The following CCBE1 variants were observed in gnomAD, a reference collection of about 807,000 sequenced individuals.
CCBE1 encodes collagen and calcium-binding EGF domain-containing protein 1.
Under a neutral mutation model 50.0 loss-of-function variants are expected in CCBE1, and 37 were observed. That is an observed-to-expected ratio of 0.74 (90% CI 0.57 to 0.97). The LOEUF (loss-of-function observed/expected upper bound fraction) is 0.97. Ranked by LOEUF, CCBE1 falls within the 50% of genes least tolerant of loss-of-function variation. The pLI is 0.00. For missense variants in CCBE1, 538 were observed against 523.8 expected, an observed-to-expected ratio of 1.03 and a Z score of -0.26; for synonymous variants, 234 against 203.7, an observed-to-expected ratio of 1.15 and a Z score of -1.27.
intron 2 of CCBE1, among the ~76,000 whole-genome samples, chr18:59,490,867 T>A (rs886862542): frequency 6.6e-6 from 1 of 152,236 alleles, no homozygotes; most frequent in Non-Finnish European, 1.5e-5. Context: ...ATTTTCTCCT[T>A]TGTAAGACAT....
At chr18:59,473,302 C>A (rs1018258190) in intron 3 of CCBE1, among the ~76,000 whole-genome samples, 7 of 152,140 alleles carry the variant, frequency 4.6e-5, no homozygotes, top group African/African-American at 1.7e-4. Context: ...GTTCCATTGT[C>A]TTCCAGCTTT....
chr18:59,511,294 G>A (rs1033476838), intron 2 of CCBE1, among the ~76,000 whole-genome samples: 9 of 152,202 alleles, frequency 5.9e-5, no homozygotes, highest in African/African-American at 2.2e-4. Context: ...CACTGATGAT[G>A]GCACTAATTG....
intron 2 of CCBE1, among the ~76,000 whole-genome samples, chr18:59,516,787 C>T (rs1042431550): frequency 1.3e-5 from 2 of 152,140 alleles, no homozygotes; most frequent in African/African-American, 4.8e-5. Flanking sequence ...TGCACAGCGG[C>T]CAGAACATCA....
intron 3 of CCBE1, among the ~76,000 whole-genome samples, chr18:59,475,635 C>G (rs1912270071): frequency 6.6e-6 from 1 of 152,194 alleles, no homozygotes. Context: ...TTGACCTCCT[C>G]AACAGAGTTT....
chr18:59,581,722 G>T (rs946660876), intron 2 of CCBE1, among the ~76,000 whole-genome samples: 3 of 152,170 alleles, frequency 2.0e-5, no homozygotes, highest in African/African-American at 7.2e-5. Context: ...CTTCTTCCCT[G>T]GGGAATTGGA....
upstream of CCBE1, chr18:59,697,586 C>T (rs989301759): frequency 1.1e-5 from 6 of 536,182 alleles, no homozygotes; most frequent in Non-Finnish European, 2.0e-5. Flanking sequence ...CCTGCGGTGT[C>T]CGGCTGGCGC....
chr18:59,521,482 C>T (rs74714671), intron 2 of CCBE1, among the ~76,000 whole-genome samples: 2,461 of 152,120 alleles, frequency 0.016, 54 homozygotes, highest in African/African-American at 0.055. Context: ...CAGAGAATTC[C>T]AGAAGGACTC....
chr18:59,443,613 C>G (rs1296324244), intron 7 of CCBE1, among the ~76,000 whole-genome samples: 6 of 147,072 alleles, frequency 4.1e-5, no homozygotes, highest in Non-Finnish European at 7.5e-5. Flanking sequence ...ATTACAGGTG[C>G]CCACCACCAC....
At chr18:59,557,566 C>T (rs2052671750) in intron 2 of CCBE1, among the ~76,000 whole-genome samples, 1 of 152,076 alleles carries the variant, frequency 6.6e-6, no homozygotes, top group African/African-American at 2.4e-5. Flanking sequence ...CTGATTGGTC[C>T]CCTCCTGCAA....
At chr18:59,675,272 T>C (rs190605597) in intron 2 of CCBE1, among the ~76,000 whole-genome samples, 1 of 152,358 alleles carries the variant, frequency 6.6e-6, no homozygotes, top group African/African-American at 2.4e-5. Flanking sequence ...GCACAAAAAC[T>C]GATTCGGCAG....
chr18:59,661,151 C>T (rs1319121042), intron 2 of CCBE1, among the ~76,000 whole-genome samples: 1 of 152,172 alleles, frequency 6.6e-6, no homozygotes, highest in East Asian at 1.9e-4. Context: ...AACATCTCAG[C>T]CATCTGAGAG....
chr18:59,593,213 A>G (rs576057580), intron 2 of CCBE1, among the ~76,000 whole-genome samples: 13 of 152,282 alleles, frequency 8.5e-5, no homozygotes, highest in African/African-American at 3.1e-4. Context: ...TTTAATAAAT[A>G]CCTTTTTGAA....
At chr18:59,470,864 G>A (rs1023689020) in intron 3 of CCBE1, among the ~76,000 whole-genome samples, 18 of 152,200 alleles carry the variant, frequency 1.2e-4, no homozygotes, top group Non-Finnish European at 2.2e-4. Context: ...TCCTGATGCA[G>A]GGAGGGTTTG....
intron 2 of CCBE1, among the ~76,000 whole-genome samples, chr18:59,519,017 T>G (rs1028037173): frequency 6.6e-6 from 1 of 152,202 alleles, no homozygotes; most frequent in African/African-American, 2.4e-5. Context: ...TTCCCTGCCT[T>G]GTCTCACTTT....
At chr18:59,668,949 A>G (rs533537047) in intron 2 of CCBE1, among the ~76,000 whole-genome samples, 37 of 148,264 alleles carry the variant, frequency 2.5e-4, no homozygotes, top group African/African-American at 9.0e-4. Context: ...CTCAGCCTCC[A>G]GAGTAGCTGG....
intron 2 of CCBE1, among the ~76,000 whole-genome samples, chr18:59,586,267 C>T (rs1402219671): frequency 2.0e-5 from 3 of 152,204 alleles, no homozygotes; most frequent in African/African-American, 7.2e-5. Context: ...CTGGATTACC[C>T]TCTTCTTTCC....
intron 2 of CCBE1, among the ~76,000 whole-genome samples, chr18:59,500,460 C>G (rs1052183741): frequency 7.2e-5 from 11 of 152,170 alleles, no homozygotes; most frequent in Non-Finnish European, 1.0e-4. Context: ...GTGGGCCATG[C>G]TCTCCTGGGT....
At chr18:59,552,934 G>T (rs2144420818) in intron 2 of CCBE1, among the ~76,000 whole-genome samples, 1 of 152,286 alleles carries the variant, frequency 6.6e-6, no homozygotes, top group African/African-American at 2.4e-5. Context: ...GCCATACAAA[G>T]ATATAAAACA....
At chr18:59,552,942 A>G (rs983798567) in intron 2 of CCBE1, among the ~76,000 whole-genome samples, 1 of 152,144 alleles carries the variant, frequency 6.6e-6, no homozygotes, top group Non-Finnish European at 1.5e-5. Context: ...AAGATATAAA[A>G]CAGTAACACT....
Sources: allele counts gnomAD v4.1 joint callset (sites outside exome capture counted in the v4.1 genomes callset), GRCh38; gene constraint gnomAD v4.1.1; transcripts MANE v1.5; gene names NCBI Gene and HGNC (gene_info 2026-07-23, HGNC 2026-07-21).